GRIN2B: variants seen among roughly 807,000 people sequenced by gnomAD.
GRIN2B encodes the protein glutamate receptor ionotropic, NMDA 2B.
A neutral mutation model predicts 114.5 loss-of-function variants in GRIN2B; 5 were observed. The ratio of observed to expected loss-of-function variants is 0.04; its 90% CI spans 0.02 to 0.09. The LOEUF (loss-of-function observed/expected upper bound fraction) is 0.09, where lower values mean the gene tolerates loss of function less well. GRIN2B is among the 10% of genes least tolerant of loss of function. The pLI, the probability that GRIN2B is intolerant of heterozygous loss-of-function variation, is 1.00. For missense variants in GRIN2B, 1,108 were observed against 1,943.5 expected, an observed-to-expected ratio of 0.57 and a Z score of 8.08; for synonymous variants, 787 against 745.1, an observed-to-expected ratio of 1.06 and a Z score of -0.92.
At chr12:13,981,068 G>A (rs1037347971) in intron 1 of GRIN2B, among the ~76,000 whole-genome samples, 68 of 152,052 alleles carry the variant, frequency 4.5e-4, no homozygotes, top group Admixed American at 4.6e-4. Flanking sequence ...TCCGGCCCGG[G>A]GCGCCGCTGC....
At chr12:13,890,364 C>T (rs1357758914) in intron 2 of GRIN2B, among the ~76,000 whole-genome samples, 1 of 152,198 alleles carries the variant, frequency 6.6e-6, no homozygotes, top group Admixed American at 6.5e-5. Flanking sequence ...AAATCTCTTA[C>T]TGATTGCTCT....
At chr12:13,573,009 C>T (rs1319777063) in intron 10 of GRIN2B, among the ~76,000 whole-genome samples, 2 of 125,422 alleles carry the variant, frequency 1.6e-5, no homozygotes, top group Non-Finnish European at 3.6e-5. Flanking sequence ...GAAACAGATA[C>T]GGATTGAAGA....
intron 3 of GRIN2B, among the ~76,000 whole-genome samples, chr12:13,765,592 T>C (rs1274159709): frequency 3.9e-5 from 6 of 152,250 alleles, no homozygotes; most frequent in African/African-American, 1.4e-4. Context: ...TCTCAGCCTT[T>C]TCTTCCTGAG....
chr12:13,799,901 A>G (rs1291303075), intron 3 of GRIN2B, among the ~76,000 whole-genome samples: 2 of 152,082 alleles, frequency 1.3e-5, no homozygotes, highest in South Asian at 4.1e-4. Flanking sequence ...CCTAATATGA[A>G]GATCTGCCAG....
chr12:13,671,619 C>G (rs111649606), intron 5 of GRIN2B, among the ~76,000 whole-genome samples: 1,620 of 152,258 alleles, frequency 0.011, 33 homozygotes, highest in African/African-American at 0.037. Context: ...TTCCCTGGCA[C>G]TGGGGTGCTC....
chr12:13,569,728 C>T lies in GRIN2B; in HGVS notation c.2359+102G>A, dbSNP rs16909218. 0.082 allele frequency: 64,124 copies of T among 781,498 alleles called. 3,061 individuals carry two copies. The highest frequency in any genetic ancestry group is 0.13 in the African/African-American group (7,276 of 57,936). 48.4% of individuals were successfully genotyped at this position (781,498 alleles called of 1,614,324 possible). A position where few individuals can be genotyped will look rare whatever the true frequency, so the allele number is the denominator to read the frequency against. Reference sequence around the variant, plus strand: ...CACAATATACTGTGAAATGCTTTTCCGGAAATGCACAGGTTAAAGAAATGG... The same window carrying T: ...CACAATATACTGTGAAATGCTTTTCTGGAAATGCACAGGTTAAAGAAATGG... On this transcript the variant is annotated intron_variant, in intron 12 of 13. Transcript: ENST00000609686.
chr12:13,799,099 G>C (rs1433004158), intron 3 of GRIN2B, among the ~76,000 whole-genome samples: 3 of 152,168 alleles, frequency 2.0e-5, no homozygotes, highest in Non-Finnish European at 2.9e-5. Context: ...CTGGGTCAGA[G>C]CAACCACCCA....
At chr12:13,818,707 T>C (rs578186785) in intron 3 of GRIN2B, among the ~76,000 whole-genome samples, 10 of 152,336 alleles carry the variant, frequency 6.6e-5, no homozygotes, top group African/African-American at 4.8e-5. Context: ...TTAAGATTAC[T>C]AGCCCTCAAC....
intron 3 of GRIN2B, among the ~76,000 whole-genome samples, chr12:13,858,642 A>G (rs1465819787): frequency 1.3e-5 from 2 of 152,086 alleles, no homozygotes; most frequent in Non-Finnish European, 2.9e-5. Context: ...TAGTACCACG[A>G]ATATTTTCTT....
Position 13,897,390 on chromosome 12 carries a change from G to A in GRIN2B, c.-18-31164C>T, listed in dbSNP as rs138557919. Among the ~76,000 whole-genome samples, 619 of 152,282 alleles carry A rather than the reference G, an allele frequency of 4.1e-3. 3 individuals are homozygous for A. The highest frequency in any genetic ancestry group is 0.014 in the South Asian group (66 of 4,820). On this transcript the variant is annotated intron_variant, in intron 2 of 13. Transcript: ENST00000609686. The stretch of plus-strand genomic sequence containing the variant: ...AAAGCCAAAATCTACCAATGAGCAG[G>A]CTCCAGGGAGAGAAATCTTACTGTG...
chr12:13,760,424 T>A (rs1272826270), intron 3 of GRIN2B, among the ~76,000 whole-genome samples: 1 of 152,226 alleles, frequency 6.6e-6, no homozygotes, highest in Non-Finnish European at 1.5e-5. Flanking sequence ...TTTTCCAGCA[T>A]CTTAAAGTCT....
At position 13,816,653 on chromosome 12, in the gene GRIN2B, G is replaced by A. The variant is rs185193037; in HGVS notation, c.411+49145C>T. On this transcript the variant is annotated intron_variant, in intron 3 of 13. Coordinates refer to ENST00000609686, the MANE Select transcript of GRIN2B (RefSeq NM_000834.5). ...CCAGGCCTTCTGAAACTAAAGCATCGCTCCAACACCCACCTCCGTATCACA... is the reference window on the plus strand; with the variant it reads ...CCAGGCCTTCTGAAACTAAAGCATCACTCCAACACCCACCTCCGTATCACA... Among the ~76,000 whole-genome samples the A allele has an allele frequency of 4.9e-3, 748 of 152,140 alleles. 3 individuals are homozygous for A. Among genetic ancestry groups the A allele is most frequent in the South Asian group, 0.012 (57 of 4,816 alleles).
At chr12:13,787,089 T>A (rs956350759) in intron 3 of GRIN2B, among the ~76,000 whole-genome samples, 1 of 152,214 alleles carries the variant, frequency 6.6e-6, no homozygotes, top group African/African-American at 2.4e-5. Flanking sequence ...TTTTTAAAAT[T>A]GTTTTTTCTT....
At position 13,549,637 on chromosome 12, in the gene GRIN2B, T is replaced by C. The variant is rs2136387214; in HGVS notation, c.*13146A>G. 6.6e-6 allele frequency: 1 copy of C among 152,272 alleles called. No individual in the cohort carries two copies. The highest frequency in any genetic ancestry group is 1.5e-5 in the Non-Finnish European group (1 of 68,010). The allele number at this position is 152,272 out of a possible 1,614,324, so 9.4% of individuals were successfully genotyped here. A position where few individuals can be genotyped will look rare whatever the true frequency, so the allele number is the denominator to read the frequency against. On this transcript the variant is annotated 3_prime_UTR_variant, in exon 14 of 14. Coordinates refer to ENST00000609686, the MANE Select transcript of GRIN2B (RefSeq NM_000834.5). ...CCATGTAGCACTCTGGAAGAAATCC[T>C]CTGTCCCAGTTTATTCTTGAGTTTT...
At chr12:13,573,165 T>C (rs1429673177) in intron 10 of GRIN2B, among the ~76,000 whole-genome samples, 1 of 149,472 alleles carries the variant, frequency 6.7e-6, no homozygotes, top group Non-Finnish European at 1.5e-5. Context: ...TAAGAAGTGC[T>C]TGGCGGTCGG....
At chr12:13,831,280 T>G (rs1404693749) in intron 3 of GRIN2B, among the ~76,000 whole-genome samples, 1 of 152,208 alleles carries the variant, frequency 6.6e-6, no homozygotes, top group Non-Finnish European at 1.5e-5. Flanking sequence ...CCTCAGGTAC[T>G]CCTTTATAGC....
intron 5 of GRIN2B, among the ~76,000 whole-genome samples, chr12:13,644,541 C>T (rs1448599142): frequency 2.0e-5 from 3 of 152,092 alleles, no homozygotes; most frequent in African/African-American, 7.2e-5. Flanking sequence ...TGCATTAGTC[C>T]CTAACAGGAG....
intron 2 of GRIN2B, among the ~76,000 whole-genome samples, chr12:13,912,052 C>T (rs945014317): frequency 6.6e-6 from 1 of 152,090 alleles, no homozygotes; most frequent in Non-Finnish European, 1.5e-5. Context: ...TGCCTCTTCC[C>T]TCAGCAACTG....
chr12:13,877,760 A>G (rs1257259384), intron 2 of GRIN2B, among the ~76,000 whole-genome samples: 1 of 151,958 alleles, frequency 6.6e-6, no homozygotes, highest in East Asian at 1.9e-4. Flanking sequence ...TCTTCCACTC[A>G]CCACTTAAGA....
Sources: allele counts gnomAD v4.1 joint callset (sites outside exome capture counted in the v4.1 genomes callset), GRCh38; gene constraint gnomAD v4.1.1; transcripts MANE v1.5; gene names NCBI Gene and HGNC (gene_info 2026-07-23, HGNC 2026-07-21).